ULK4: variants seen among roughly 807,000 people sequenced by gnomAD.
ULK4 encodes inactive serine/threonine-protein kinase ULK4.
ULK4 carries 133 observed loss-of-function variants against 160.6 expected under a neutral mutation model. The observed-to-expected ratio is 0.83, with a 90% confidence interval of 0.72 to 0.96. The LOEUF (loss-of-function observed/expected upper bound fraction) is 0.96. Ranked by LOEUF, ULK4 falls within the 40% of genes least tolerant of loss-of-function variation. The probability of loss-of-function intolerance (pLI) is 0.00; values close to 1 mark genes in which losing one functional copy is unlikely to be tolerated. For synonymous variants in ULK4, 534 were observed against 539.8 expected (o/e 0.99, Z 0.15); for missense variants, 1,580 against 1,499.5 (o/e 1.05, Z -0.89).
chr3:41,949,552 C>T (rs1700221264), intron 2 of ULK4, among the ~76,000 whole-genome samples: 1 of 151,654 alleles, frequency 6.6e-6, no homozygotes, highest in Admixed American at 6.6e-5. Context: ...CCTGCCTCAG[C>T]CTCCCAAGTA....
At chr3:41,510,892 T>C (rs1307392472) in intron 32 of ULK4, among the ~76,000 whole-genome samples, 1 of 152,142 alleles carries the variant, frequency 6.6e-6, no homozygotes, top group Non-Finnish European at 1.5e-5. Context: ...ACGGGCGCAG[T>C]GGCTCATGCC....
chr3:41,475,049 T>C (rs1004383481), intron 32 of ULK4, among the ~76,000 whole-genome samples: 12 of 152,308 alleles, frequency 7.9e-5, no homozygotes, highest in Middle Eastern at 3.4e-3. Flanking sequence ...CTCATGTGCA[T>C]TGAAGCACTA....
At position 41,819,517 on chromosome 3, in the gene ULK4, G is replaced by C; in HGVS notation, c.1765-11C>G. ...CTTTTTTTTTTCTTCCTAAAATGAAGTGGGAAAAAAAAAGGCAGTGAAGCT... is the reference window on the plus strand; with the variant it reads ...CTTTTTTTTTTCTTCCTAAAATGAACTGGGAAAAAAAAAGGCAGTGAAGCT... On this transcript the variant is annotated splice_polypyrimidine_tract_variant and intron_variant, in intron 18 of 36. Coordinates refer to ENST00000301831, the MANE Select transcript of ULK4 (RefSeq NM_017886.4). 6.3e-7 allele frequency: 1 copy of C among 1,575,476 alleles called. No homozygotes were observed. The highest frequency in any genetic ancestry group is 8.5e-7 in the Non-Finnish European group (1 of 1,173,166).
intron 20 of ULK4, among the ~76,000 whole-genome samples, chr3:41,792,558 T>A (rs762609747): frequency 4.9e-4 from 74 of 152,204 alleles, no homozygotes; most frequent in Middle Eastern, 3.4e-3. Context: ...AAAACCAACT[T>A]CCCATTGTTA....
At chr3:41,905,753 G>A (rs534188152) in intron 12 of ULK4, among the ~76,000 whole-genome samples, 13 of 152,222 alleles carry the variant, frequency 8.5e-5, no homozygotes, top group African/African-American at 3.1e-4. Context: ...TCAGGTAAAT[G>A]CAAATCAACA....
At chr3:41,630,619 T>A (rs2033702285) in intron 30 of ULK4, among the ~76,000 whole-genome samples, 1 of 152,148 alleles carries the variant, frequency 6.6e-6, no homozygotes, top group Non-Finnish European at 1.5e-5. Flanking sequence ...ATCTGCAATA[T>A]CCCTCATAAC....
chr3:41,774,991 A>G (rs1316984339), intron 21 of ULK4, among the ~76,000 whole-genome samples: 1 of 147,718 alleles, frequency 6.8e-6, no homozygotes, highest in African/African-American at 2.6e-5. Context: ...CAAACACCGC[A>G]TGTTCTCACT....
At chr3:41,272,343 G>GTTTTTTT (rs3038324) in intron 35 of ULK4, among the ~76,000 whole-genome samples, 9 of 95,474 alleles carry the variant, frequency 9.4e-5, no homozygotes, top group South Asian at 3.9e-4. Context: ...AATTTTGAAA[G>GTTTTTTT]TTTTTTTTTT....
chr3:41,673,355 G>C (rs1014849210), intron 29 of ULK4, among the ~76,000 whole-genome samples: 9 of 152,186 alleles, frequency 5.9e-5, no homozygotes, highest in Middle Eastern at 3.4e-3. Flanking sequence ...ACTTTTGCTG[G>C]ACATTATTCC....
chr3:41,838,811 CCT>C (rs1477932780), intron 17 of ULK4, among the ~76,000 whole-genome samples: 6 of 152,148 alleles, frequency 3.9e-5, no homozygotes, highest in Admixed American at 6.5e-5. Flanking sequence ...TCAACACCCC[CCT>C]CTCATGCACA....
intron 35 of ULK4, among the ~76,000 whole-genome samples, chr3:41,361,033 C>T (rs748035477): frequency 3.3e-5 from 5 of 152,070 alleles, no homozygotes; most frequent in South Asian, 2.1e-4. Flanking sequence ...GCTTTGATGA[C>T]GCAGGAGAGA....
At chr3:41,838,293 T>C (rs1457919100) in intron 17 of ULK4, among the ~76,000 whole-genome samples, 1 of 152,132 alleles carries the variant, frequency 6.6e-6, no homozygotes, top group Non-Finnish European at 1.5e-5. Flanking sequence ...TGAGCAAAAA[T>C]TGTAAAAATG....
chr3:41,666,735 C>T (rs1461424125), intron 29 of ULK4, among the ~76,000 whole-genome samples: 1 of 152,072 alleles, frequency 6.6e-6, no homozygotes, highest in East Asian at 1.9e-4. Flanking sequence ...GTGTGGAAAT[C>T]ACAAGAGGAA....
chr3:41,320,743 C>G (rs2080229892), intron 35 of ULK4, among the ~76,000 whole-genome samples: 2 of 140,332 alleles, frequency 1.4e-5, no homozygotes, highest in South Asian at 2.2e-4. Context: ...ACGGTGAAAC[C>G]CTGTCTCTGC....
At chr3:41,269,871 G>T (rs9816029) in intron 35 of ULK4, among the ~76,000 whole-genome samples, 1 of 151,906 alleles carries the variant, frequency 6.6e-6, no homozygotes, top group African/African-American at 2.4e-5. Flanking sequence ...TTAACTCTTT[G>T]GGGACTCATC....
At chr3:41,668,748 A>T (rs2035433682) in intron 29 of ULK4, among the ~76,000 whole-genome samples, 2 of 152,218 alleles carry the variant, frequency 1.3e-5, no homozygotes, top group Non-Finnish European at 2.9e-5. Context: ...TCTCAAGAAA[A>T]TGTATCTCTA....
At chr3:41,884,708 T>C (rs1462030775) in intron 16 of ULK4, among the ~76,000 whole-genome samples, 2 of 152,180 alleles carry the variant, frequency 1.3e-5, no homozygotes, top group African/African-American at 4.8e-5. Context: ...ACCTATGTGG[T>C]ACCCATGGAG....
intron 22 of ULK4, among the ~76,000 whole-genome samples, chr3:41,726,296 C>G (rs1424860845): frequency 6.6e-6 from 1 of 152,172 alleles, no homozygotes; most frequent in Non-Finnish European, 1.5e-5. Context: ...TTAAAACTAA[C>G]TCTAGAATGA....
intron 31 of ULK4, among the ~76,000 whole-genome samples, chr3:41,576,429 T>C (rs1258257532): frequency 6.6e-6 from 1 of 152,228 alleles, no homozygotes; most frequent in Non-Finnish European, 1.5e-5. Flanking sequence ...CTTTTAATAG[T>C]GTCCCCTGTG....
Sources: allele counts gnomAD v4.1 joint callset (sites outside exome capture counted in the v4.1 genomes callset), GRCh38; gene constraint gnomAD v4.1.1; transcripts MANE v1.5; gene names NCBI Gene and HGNC (gene_info 2026-07-23, HGNC 2026-07-21).